The following GRID2 variants were observed in gnomAD, a reference collection of about 807,000 sequenced individuals.
GRID2 encodes the protein glutamate ionotropic receptor delta type subunit 2, also known as glutamate receptor ionotropic, delta-2.
A neutral mutation model predicts 114.8 loss-of-function variants in GRID2; 33 were observed. That is an observed-to-expected ratio of 0.29 (90% CI 0.22 to 0.38). The LOEUF is 0.38. Among genes scored for constraint, GRID2 ranks in the 10% least tolerant of loss-of-function variants. GRID2 has a pLI of 1.00. For missense variants in GRID2, 1,184 were observed against 1,257.7 expected (o/e 0.94, Z 0.89); for synonymous variants, 505 against 449.9 (o/e 1.12, Z -1.55).
intron 2 of GRID2, among the ~76,000 whole-genome samples, chr4:92,935,539 A>G (rs1489357121): frequency 7.5e-5 from 11 of 146,914 alleles, no homozygotes; most frequent in African/African-American, 2.7e-4. Flanking sequence ...TACTGGGTAT[A>G]TACCCAAAGG....
intron 2 of GRID2, among the ~76,000 whole-genome samples, chr4:92,598,624 G>A (rs1427527188): frequency 6.6e-6 from 1 of 151,962 alleles, no homozygotes; most frequent in East Asian, 1.9e-4. Context: ...TTATCTGTGG[G>A]CCCTTGAACA....
At chr4:93,420,746 A>ATTTG (rs1396966700) in intron 9 of GRID2, among the ~76,000 whole-genome samples, 1 of 150,134 alleles carries the variant, frequency 6.7e-6, no homozygotes, top group Non-Finnish European at 1.5e-5. Flanking sequence ...TTATTTATTT[A>ATTTG]TTTATTTATT....
At chr4:93,382,877 C>G (rs1763988970) in intron 8 of GRID2, among the ~76,000 whole-genome samples, 2 of 96,078 alleles carry the variant, frequency 2.1e-5, no homozygotes, top group East Asian at 2.1e-4. Flanking sequence ...ACTTATTTCT[C>G]CTAGGTTTTC....
At chr4:92,924,281 G>C (rs1311504080) in intron 2 of GRID2, among the ~76,000 whole-genome samples, 1 of 151,994 alleles carries the variant, frequency 6.6e-6, no homozygotes, top group Non-Finnish European at 1.5e-5. Context: ...GATAGCATTA[G>C]GAGAAATAGC....
chr4:92,927,546 A>G (rs919207632), intron 2 of GRID2, among the ~76,000 whole-genome samples: 1 of 151,788 alleles, frequency 6.6e-6, no homozygotes, highest in Non-Finnish European at 1.5e-5. Flanking sequence ...ACAAAAAATC[A>G]TTTATAATGG....
At chr4:93,378,352 T>A (rs970663067) in intron 8 of GRID2, among the ~76,000 whole-genome samples, 6 of 152,138 alleles carry the variant, frequency 3.9e-5, no homozygotes, top group African/African-American at 1.2e-4. Flanking sequence ...ATTATAATGA[T>A]TGAGTAAATA....
intron 1 of GRID2, among the ~76,000 whole-genome samples, chr4:92,383,980 A>G (rs749865702): frequency 2.0e-5 from 3 of 151,956 alleles, no homozygotes; most frequent in Non-Finnish European, 4.4e-5. Context: ...AGCCTTTAAG[A>G]TATTTAATTG....
intron 1 of GRID2, among the ~76,000 whole-genome samples, chr4:92,486,552 C>T (rs1722899084): frequency 1.4e-5 from 1 of 72,040 alleles, no homozygotes; most frequent in African/African-American, 6.5e-5. Flanking sequence ...CTCTTTCACA[C>T]ACACACACAC....
At chr4:92,597,652 AT>A (rs1444528638) in intron 2 of GRID2, among the ~76,000 whole-genome samples, 15 of 152,158 alleles carry the variant, frequency 9.9e-5, no homozygotes. Context: ...TTTTCTCCTA[AT>A]AATAGCACAT....
intron 2 of GRID2, among the ~76,000 whole-genome samples, chr4:92,647,749 A>G (rs1303526360): frequency 6.7e-6 from 1 of 149,854 alleles, no homozygotes; most frequent in Non-Finnish European, 1.5e-5. Context: ...TTCTTAAACA[A>G]ATATGTTACA....
chr4:92,652,738 G>T (rs935593856), intron 2 of GRID2, among the ~76,000 whole-genome samples: 4 of 142,510 alleles, frequency 2.8e-5, no homozygotes, highest in Non-Finnish European at 6.1e-5. Context: ...TGGGAGGCTG[G>T]GGGGGTTGGG....
intron 13 of GRID2, among the ~76,000 whole-genome samples, chr4:93,525,144 C>T (rs1011254346): frequency 8.6e-5 from 13 of 151,930 alleles, no homozygotes; most frequent in Admixed American, 7.9e-4. Context: ...GAGATTTGTA[C>T]AAGACATTGT....
intron 1 of GRID2, 39 bp downstream of exon 1, chr4:92,304,783 G>A: frequency 7.2e-7 from 1 of 1,385,084 alleles, no homozygotes; most frequent in Non-Finnish European, 1.0e-6. Context: ...TACTTTTACC[G>A]TTTCAGTTCT....
chr4:93,316,674 A>G (rs1756695469), intron 8 of GRID2, among the ~76,000 whole-genome samples: 1 of 152,142 alleles, frequency 6.6e-6, no homozygotes, highest in South Asian at 2.1e-4. Flanking sequence ...CAAATTATCC[A>G]TCAAGGTGAT....
At chr4:93,168,178 A>T (rs545942142) in intron 4 of GRID2, among the ~76,000 whole-genome samples, 1 of 151,816 alleles carries the variant, frequency 6.6e-6, no homozygotes, top group Admixed American at 6.6e-5. Flanking sequence ...CTCCAGCCTG[A>T]GCAACAGAGT....
intron 13 of GRID2, among the ~76,000 whole-genome samples, chr4:93,517,992 CA>C: frequency 2.0e-4 from 3 of 15,312 alleles, no homozygotes; most frequent in Admixed American, 5.1e-4. Context: ...TATGTATATA[CA>C]TACATGTATA....
chr4:93,530,556 T>G (rs1211865544), intron 13 of GRID2, among the ~76,000 whole-genome samples: 7 of 152,190 alleles, frequency 4.6e-5, no homozygotes. Context: ...GTTCTTCATT[T>G]TCAAGGTCTA....
At chr4:93,185,087 A>G (rs1215049314) in intron 4 of GRID2, among the ~76,000 whole-genome samples, 1 of 152,172 alleles carries the variant, frequency 6.6e-6, no homozygotes, top group Non-Finnish European at 1.5e-5. Flanking sequence ...TAGTTATGGT[A>G]GGTAAAGTAT....
intron 4 of GRID2, among the ~76,000 whole-genome samples, chr4:93,117,271 T>G: frequency 6.6e-6 from 1 of 152,094 alleles, no homozygotes; most frequent in East Asian, 1.9e-4. Flanking sequence ...AATGGCGACA[T>G]TAGTTGCCCC....
Sources: gnomAD v4.1 joint callset for allele counts (sites outside exome capture counted in the v4.1 genomes callset) on GRCh38, gnomAD v4.1.1 for gene constraint, MANE v1.5 for transcripts, NCBI Gene and HGNC (gene_info 2026-07-23, HGNC 2026-07-21) for gene names.